The following CYYR1 variants were observed in gnomAD, a reference collection of about 807,000 sequenced individuals.
The protein encoded by CYYR1 is cysteine and tyrosine rich 1, also known as cysteine and tyrosine-rich protein 1.
A neutral mutation model predicts 15.2 loss-of-function variants in CYYR1; 14 were observed. That is an observed-to-expected ratio of 0.92 (90% CI 0.61 to 1.44). The LOEUF (loss-of-function observed/expected upper bound fraction) is 1.44, where lower values mean the gene tolerates loss of function less well. CYYR1 is among the 40% of genes most tolerant of loss of function. CYYR1 has a pLI of 0.00. For missense variants in CYYR1, 228 were observed against 209.5 expected (o/e 1.09, Z -0.54); for synonymous variants, 80 against 77.4 (o/e 1.03, Z -0.18).
Position 26,566,304 on chromosome 21 carries a change from G to A in CYYR1, c.138C>T (p.Tyr46=). 6.2e-7 allele frequency: 1 copy of A among 1,613,920 alleles called. No individual in the cohort carries two copies. Among genetic ancestry groups the A allele is most frequent in the Admixed American group, 1.7e-5 (1 of 59,986 alleles). The change falls in exon 2 of 4, where the codon TAC becomes TAT. Residue 46 remains tyrosine, a synonymous_variant. Transcript: ENST00000652641. The part of the protein sequence containing the change: ...KSYCCDGTTP[Y]CCSYYAYIGN... Reference sequence around the variant, plus strand: ...CAATATAAGCGTAGTAGGAGCAACAGTAGGGCGTGGTTCCATCACAGCAGT... The same window carrying A: ...CAATATAAGCGTAGTAGGAGCAACAATAGGGCGTGGTTCCATCACAGCAGT...
chr21:26,478,985 C>T (rs1041686062), intron 3 of CYYR1, among the ~76,000 whole-genome samples: 2 of 151,960 alleles, frequency 1.3e-5, no homozygotes, highest in African/African-American at 4.8e-5. Context: ...CAAGTTTAGA[C>T]ATGTCAAATT....
intron 2 of CYYR1, among the ~76,000 whole-genome samples, chr21:26,542,296 T>G (rs112809988): frequency 1.1e-4 from 17 of 148,834 alleles, no homozygotes; most frequent in African/African-American, 4.0e-4. Flanking sequence ...TGTGCGTGTG[T>G]GTGTGTGTGT....
At chr21:26,515,707 A>G (rs1463641125) in intron 2 of CYYR1, among the ~76,000 whole-genome samples, 2 of 152,152 alleles carry the variant, frequency 1.3e-5, no homozygotes, top group Non-Finnish European at 2.9e-5. Flanking sequence ...ATAATACTAA[A>G]AACTCCAATA....
At chr21:26,544,387 C>T (rs1349817667) in intron 2 of CYYR1, among the ~76,000 whole-genome samples, 1 of 152,104 alleles carries the variant, frequency 6.6e-6, no homozygotes, top group African/African-American at 2.4e-5. Context: ...AAACAGAAAT[C>T]GTAAAATAAG....
At chr21:26,506,101 T>C (rs1029589108) in intron 2 of CYYR1, among the ~76,000 whole-genome samples, 10 of 152,122 alleles carry the variant, frequency 6.6e-5, no homozygotes, top group Non-Finnish European at 1.0e-4. Flanking sequence ...CCCATTACAG[T>C]CAATCGACCA....
intron 2 of CYYR1, among the ~76,000 whole-genome samples, chr21:26,565,607 T>C (rs1054261027): frequency 2.6e-5 from 4 of 152,206 alleles, no homozygotes; most frequent in African/African-American, 9.6e-5. Flanking sequence ...CATATTTCCC[T>C]TTGTCCAGAA....
intron 2 of CYYR1, among the ~76,000 whole-genome samples, chr21:26,481,775 G>C (rs909257788): frequency 2.0e-5 from 3 of 151,844 alleles, no homozygotes; most frequent in Non-Finnish European, 1.5e-5. Context: ...CAATTAATTA[G>C]TATTTTCAAT....
chr21:26,559,433 T>C (rs1980044165), intron 2 of CYYR1, among the ~76,000 whole-genome samples: 1 of 152,334 alleles, frequency 6.6e-6, no homozygotes, highest in South Asian at 2.1e-4. Flanking sequence ...AATCAAGATA[T>C]AATTCACGTC....
At chr21:26,482,567 C>G (rs761739959) in intron 2 of CYYR1, 1 of 951,882 alleles carries the variant, frequency 1.1e-6, no homozygotes, top group Non-Finnish European at 1.3e-6. Context: ...TTTGTTGAAG[C>G]ACGTTCCTGA....
intron 2 of CYYR1, among the ~76,000 whole-genome samples, chr21:26,509,755 C>T (rs754488690): frequency 6.6e-6 from 1 of 152,154 alleles, no homozygotes; most frequent in African/African-American, 2.4e-5. Flanking sequence ...GAGGATCTCA[C>T]GAAGGCTTTT....
intron 3 of CYYR1, chr21:26,471,220 A>G (rs1411463585): frequency 6.6e-6 from 1 of 152,152 alleles, no homozygotes; most frequent in Non-Finnish European, 1.5e-5. Flanking sequence ...TGCAGCAGGA[A>G]ACCCATTGAT....
chr21:26,513,091 ATCTG>A (rs1569155354), intron 2 of CYYR1, among the ~76,000 whole-genome samples: 2 of 152,030 alleles, frequency 1.3e-5, no homozygotes, highest in African/African-American at 2.4e-5. Context: ...CTTTTCATTT[ATCTG>A]TCTGTTGATA....
intron 2 of CYYR1, among the ~76,000 whole-genome samples, chr21:26,507,757 C>T (rs1477801667): frequency 6.6e-6 from 1 of 152,150 alleles, no homozygotes; most frequent in Non-Finnish European, 1.5e-5. Context: ...ATTACATTTT[C>T]CCTCATGAAG....
At chr21:26,519,541 G>C (rs895495552) in intron 2 of CYYR1, among the ~76,000 whole-genome samples, 1 of 152,194 alleles carries the variant, frequency 6.6e-6, no homozygotes, top group South Asian at 2.1e-4. Context: ...AAGGGGCCAG[G>C]TCGTGGAGTA....
At chr21:26,571,472 C>G (rs531465159) in intron 1 of CYYR1, among the ~76,000 whole-genome samples, 129 of 152,296 alleles carry the variant, frequency 8.5e-4, no homozygotes, top group Non-Finnish European at 1.6e-3. Context: ...GAGGAGGGGG[C>G]AGATGTGTAA....
chr21:26,482,553 A>G, intron 2 of CYYR1: 3 of 977,600 alleles, frequency 3.1e-6, no homozygotes, highest in Non-Finnish European at 3.6e-6. Context: ...GGTGAACTGC[A>G]TTGTTTGTTG....
Position 26,506,082 on chromosome 21 carries a change from C to T in CYYR1, c.177-25653G>A, listed in dbSNP as rs893533069. Among the ~76,000 whole-genome samples, 8 of 152,136 alleles carry T rather than the reference C, an allele frequency of 5.3e-5. No homozygotes were observed. In the East Asian group the frequency reaches 9.6e-4, roughly 18 times the overall value. ...AGCATGCATCCGTCATCTCAATAGG[C>T]CCATTGTGCCCATTACAGTCAATCG... On this transcript the variant is annotated intron_variant, in intron 2 of 3. Transcript: ENST00000652641.
At chr21:26,484,653 T>C (rs1047983857) in intron 2 of CYYR1, among the ~76,000 whole-genome samples, 1 of 152,144 alleles carries the variant, frequency 6.6e-6, no homozygotes, top group Admixed American at 6.6e-5. Flanking sequence ...GAGGACTTAA[T>C]TTATGTTCCA....
Position 26,468,398 on chromosome 21 carries a change from A to G in CYYR1, c.*103T>C, listed in dbSNP as rs1249936024. Reference sequence around the variant, plus strand: ...CCACCTGACACATTATCTGACCCCAAAAAGTATTCCTTGGAGCAATTCTTT... The same window carrying G: ...CCACCTGACACATTATCTGACCCCAGAAAGTATTCCTTGGAGCAATTCTTT... On this transcript the variant is annotated 3_prime_UTR_variant, in exon 4 of 4. Transcript: ENST00000652641. The G allele has an allele frequency of 2.3e-5, 19 of 833,920 alleles. No homozygotes were observed. Among genetic ancestry groups the G allele is most frequent in the African/African-American group, 2.2e-4 (13 of 60,048 alleles). 51.7% of individuals were successfully genotyped at this position (833,920 alleles called of 1,614,324 possible).
Sources: gnomAD v4.1 joint callset for allele counts (sites outside exome capture counted in the v4.1 genomes callset) on GRCh38, gnomAD v4.1.1 for gene constraint, MANE v1.5 for transcripts, NCBI Gene and HGNC (gene_info 2026-07-23, HGNC 2026-07-21) for gene names.